The following PPL variants were observed in gnomAD, a reference collection of about 807,000 sequenced individuals.
PPL encodes 190 kDa paraneoplastic pemphigus antigen.
Under a neutral mutation model 194.4 loss-of-function variants are expected in PPL, and 198 were observed. The observed-to-expected ratio is 1.02, with a 90% CI of 0.91 to 1.15. The LOEUF (loss-of-function observed/expected upper bound fraction) is 1.15, where lower values mean the gene tolerates loss of function less well. PPL is among the 50% of genes most tolerant of loss of function. PPL has a pLI of 0.00. For missense variants in PPL, 2,885 were observed against 2,294.8 expected (o/e 1.26, Z -5.25); for synonymous variants, 1,220 against 972.4 (o/e 1.25, Z -4.74).
Position 4,902,273 on chromosome 16 carries a change from G to A in PPL, c.438+133C>T, listed in dbSNP as rs897471214. On this transcript the variant is annotated intron_variant, in intron 4 of 21. Transcript: ENST00000345988. The surrounding 1 kb of genome is among the most constrained non-coding windows in gnomAD (Gnocchi z 4.0). ...CCTCACTCTTCTCATGGGCACACTGGAAAACCATCAGGACCACGACTGTCT... is the reference window on the plus strand; with the variant it reads ...CCTCACTCTTCTCATGGGCACACTGAAAAACCATCAGGACCACGACTGTCT... 7.1e-7 allele frequency: 1 copy of A among 1,412,450 alleles called. No individual in the cohort carries two copies. The highest frequency in any genetic ancestry group is 1.4e-5 in the African/African-American group (1 of 69,912). The allele number at this position is 1,412,450 out of a possible 1,614,324, so 87.5% of individuals were successfully genotyped here.
At chr16:4,901,496 C>T (rs1370048380) in intron 4 of PPL, among the ~76,000 whole-genome samples, 3 of 152,164 alleles carry the variant, frequency 2.0e-5, no homozygotes, top group African/African-American at 2.4e-5. Flanking sequence ...TGAGACCAGC[C>T]TGGCCAATGT....
intron 2 of PPL, among the ~76,000 whole-genome samples, chr16:4,909,558 CTGGGA>C (rs2088777811): frequency 6.6e-6 from 1 of 151,782 alleles, no homozygotes; most frequent in Admixed American, 6.6e-5. Flanking sequence ...TCCTGAGTAG[CTGGGA>C]TTATAGGTGT....
At chr16:4,894,056 T>A (rs1307371508) in intron 12 of PPL, among the ~76,000 whole-genome samples, 1 of 152,140 alleles carries the variant, frequency 6.6e-6, no homozygotes, top group Non-Finnish European at 1.5e-5. Flanking sequence ...CCAGGCCCAA[T>A]GAGACTGACG....
intron 9 of PPL, 119 bp from the exon 10 acceptor site, chr16:4,895,835 G>C: frequency 7.2e-7 from 1 of 1,395,596 alleles, no homozygotes. Context: ...CTGGAGTCCA[G>C]CATGGGACCC....
At chr16:4,931,629 G>C (rs2089226706) in intron 1 of PPL, among the ~76,000 whole-genome samples, 2 of 152,172 alleles carry the variant, frequency 1.3e-5, no homozygotes, top group African/African-American at 2.4e-5. Flanking sequence ...AGACCTGCCG[G>C]GAGCAGAGAG....
At chr16:4,919,258 G>A (rs1002218081) in intron 1 of PPL, among the ~76,000 whole-genome samples, 65 of 152,266 alleles carry the variant, frequency 4.3e-4, no homozygotes, top group African/African-American at 1.5e-3. Context: ...CCAAGGTCCC[G>A]GACGTGAAGT....
At chr16:4,924,656 G>C (rs1423017426) in intron 1 of PPL, among the ~76,000 whole-genome samples, 7 of 152,062 alleles carry the variant, frequency 4.6e-5, no homozygotes, top group African/African-American at 1.7e-4. Flanking sequence ...AAACAACCTG[G>C]GGCTCCCCAC....
At position 4,883,371 on chromosome 16, in the gene PPL, G is replaced by T. The variant is rs750433049; in HGVS notation, c.*13C>A. The T allele has an allele frequency of 9.9e-6, 16 of 1,613,468 alleles. No homozygotes were observed. Among genetic ancestry groups the T allele is most frequent in the Non-Finnish European group, 1.4e-5 (16 of 1,179,964 alleles). On this transcript the variant is annotated 3_prime_UTR_variant, in exon 22 of 22. Transcript: ENST00000345988. This position sits in a 1 kb window ranked among gnomAD's most constrained non-coding sequence, Gnocchi z 4.8. ...CCAGCGTCTGCCGTTACGAAGAGTT[G>T]CAAGAGCTGTGCCTACTTCTGCCCA... is the stretch of plus-strand genomic sequence containing the variant.
At chr16:4,900,551 C>G (rs184290548) in intron 6 of PPL, among the ~76,000 whole-genome samples, 13 of 149,166 alleles carry the variant, frequency 8.7e-5, no homozygotes, top group Admixed American at 5.5e-4. Flanking sequence ...GCGATCCTCC[C>G]ACTTCAGCCT....
chr16:4,888,075 C>T (rs548727203), intron 20 of PPL, 27 bp downstream of exon 20: 24 of 1,565,696 alleles, frequency 1.5e-5, no homozygotes, highest in African/African-American at 1.1e-4. Flanking sequence ...ACCTCAGTCC[C>T]GAGGCCGCCT....
intron 1 of PPL, among the ~76,000 whole-genome samples, chr16:4,925,722 T>G (rs2089143518): frequency 6.6e-6 from 1 of 152,176 alleles, no homozygotes; most frequent in African/African-American, 2.4e-5. Flanking sequence ...GGTCCGAGTT[T>G]ACACAGCTGG....
intron 1 of PPL, among the ~76,000 whole-genome samples, chr16:4,913,406 G>T (rs995141346): frequency 2.6e-5 from 4 of 152,190 alleles, no homozygotes; most frequent in Admixed American, 2.6e-4. Context: ...CTTTCCCGGG[G>T]CCAGGGTGGC....
chr16:4,923,200 C>T lies in PPL; in HGVS notation c.63-12251G>A, dbSNP rs376968737. Among the ~76,000 whole-genome samples, 86 of 152,358 alleles carry T rather than the reference C, an allele frequency of 5.6e-4. No individual in the cohort carries two copies. The South Asian group carries it at 0.015, about 27-fold the overall frequency. On this transcript the variant is annotated intron_variant, in intron 1 of 21. Coordinates refer to ENST00000345988, the MANE Select transcript of PPL (RefSeq NM_002705.5). Reference sequence around the variant, plus strand: ...CCCTGAGACCTGTCCCTGCTTCTCCCTCCACTGGTTCTACCTGGGAACGCG... The same window carrying T: ...CCCTGAGACCTGTCCCTGCTTCTCCTTCCACTGGTTCTACCTGGGAACGCG...
At chr16:4,931,893 C>A (rs1483376351) in intron 1 of PPL, among the ~76,000 whole-genome samples, 1 of 152,180 alleles carries the variant, frequency 6.6e-6, no homozygotes, top group Non-Finnish European at 1.5e-5. Context: ...TGTCCTGAAT[C>A]GAATTTATCC....
At position 4,886,049 on chromosome 16, in the gene PPL, T is replaced by C. The variant is rs777304507; in HGVS notation, c.2608-2A>G. On this transcript the variant is annotated splice_acceptor_variant, in intron 21 of 21. Coordinates refer to ENST00000345988, the MANE Select transcript of PPL (RefSeq NM_002705.5). LOFTEE classifies it high-confidence loss of function. ...ATGGGTCACTTCTACTTCCGGCTGC[T>C]GTGATGGAGAAGACAAGACAAGGTT... The C allele has an allele frequency of 1.2e-5, 20 of 1,613,884 alleles. No homozygotes were observed. The highest frequency in any genetic ancestry group is 1.6e-5 in the Non-Finnish European group (19 of 1,180,010).
intron 8 of PPL, among the ~76,000 whole-genome samples, chr16:4,898,061 T>C (rs1044535022): frequency 2.6e-5 from 4 of 152,202 alleles, no homozygotes; most frequent in African/African-American, 4.8e-5. Context: ...GGCACTGTCA[T>C]GGACCGAACA....
At chr16:4,925,835 G>C in intron 1 of PPL, among the ~76,000 whole-genome samples, 1 of 152,178 alleles carries the variant, frequency 6.6e-6, no homozygotes, top group East Asian at 1.9e-4. Flanking sequence ...ACCCCTTACA[G>C]ACAAAGGGAC....
intron 1 of PPL, among the ~76,000 whole-genome samples, chr16:4,934,605 C>G (rs1295708402): frequency 6.6e-6 from 1 of 152,136 alleles, no homozygotes; most frequent in Non-Finnish European, 1.5e-5. Context: ...TACTGCCCCC[C>G]ATGCTGAATC....
chr16:4,885,551 TGCA>T lies in PPL; in HGVS notation c.3101_3103del (p.Leu1034del). ...TTCAGCCAGGGCGGCCACACGCTGC[TGCA>T]GGAGGAGCACCTCTGCCTCCCGGGC... On this transcript the variant is annotated inframe_deletion, in exon 22 of 22. Transcript: ENST00000345988. This position sits in a 1 kb window ranked among gnomAD's most constrained non-coding sequence, Gnocchi z 6.3. 6.2e-7 allele frequency: 1 copy of T among 1,610,696 alleles called. No homozygotes were observed. The highest frequency in any genetic ancestry group is 8.5e-7 in the Non-Finnish European group (1 of 1,179,924).
Sources: gnomAD v4.1 joint callset for allele counts (sites outside exome capture counted in the v4.1 genomes callset) on GRCh38, gnomAD v4.1.1 for gene constraint, Gnocchi (gnomAD v3.1) non-coding constraint, MANE v1.5 for transcripts, NCBI Gene and HGNC (gene_info 2026-07-23, HGNC 2026-07-21) for gene names.